SH3RF3: variants seen among roughly 807,000 people sequenced by gnomAD.
SH3RF3 encodes the protein E3 ubiquitin-protein ligase SH3RF3.
Under a neutral mutation model 66.3 loss-of-function variants are expected in SH3RF3, and 29 were observed. The ratio of observed to expected loss-of-function variants is 0.44; its 90% CI spans 0.33 to 0.60. SH3RF3 has a LOEUF of 0.60. Among genes scored for constraint, SH3RF3 ranks in the 20% least tolerant of loss-of-function variants. The probability of loss-of-function intolerance (pLI) is 0.04; values close to 1 mark genes in which losing one functional copy is unlikely to be tolerated. For synonymous variants in SH3RF3, 583 were observed against 532.0 expected, an observed-to-expected ratio of 1.10 and a Z score of -1.32; for missense variants, 1,194 against 1,190.9, an observed-to-expected ratio of 1.00 and a Z score of -0.04.
Position 109,129,524 on chromosome 2 carries a change from C to G in SH3RF3, c.-17C>G. 1 of 1,496,760 alleles carries G rather than the reference C, an allele frequency of 6.7e-7. No individual in the cohort carries two copies. The allele number at this position is 1,496,760 out of a possible 1,614,324, so 92.7% of individuals were successfully genotyped here. A position where few individuals can be genotyped will look rare whatever the true frequency, so the allele number is the denominator to read the frequency against. On this transcript the variant is annotated 5_prime_UTR_variant, in exon 1 of 10. Coordinates refer to ENST00000309415, the MANE Select transcript of SH3RF3 (RefSeq NM_001099289.3). ...GGACCTAGGCAGCCGCGCGAGACCGCTGCGGGCGCCTCCCCCATGCTGCTC... is the reference window on the plus strand; with the variant it reads ...GGACCTAGGCAGCCGCGCGAGACCGGTGCGGGCGCCTCCCCCATGCTGCTC...
At chr2:109,396,620 C>G (rs547857745) in intron 3 of SH3RF3, among the ~76,000 whole-genome samples, 1 of 152,220 alleles carries the variant, frequency 6.6e-6, no homozygotes, top group African/African-American at 2.4e-5. Flanking sequence ...AGTTCTGAAT[C>G]TGGGTGAGAC....
chr2:109,417,790 C>T (rs1676765273), intron 4 of SH3RF3, among the ~76,000 whole-genome samples: 1 of 152,186 alleles, frequency 6.6e-6, no homozygotes, highest in African/African-American at 2.4e-5. Context: ...TGGTTTCAGG[C>T]TCTGCTATGA....
chr2:109,308,683 C>T (rs1423992957), intron 1 of SH3RF3, among the ~76,000 whole-genome samples: 2 of 45,626 alleles, frequency 4.4e-5, no homozygotes, highest in Non-Finnish European at 6.6e-5. Flanking sequence ...AATAGGGAAT[C>T]CTTTCCCCAT....
intron 1 of SH3RF3, among the ~76,000 whole-genome samples, chr2:109,138,203 A>C (rs1419019187): frequency 6.6e-6 from 1 of 152,062 alleles, no homozygotes; most frequent in Non-Finnish European, 1.5e-5. Context: ...ATTTTTTAAT[A>C]TTTTTAGTAG....
chr2:109,456,263 C>T (rs1678054511), intron 8 of SH3RF3, among the ~76,000 whole-genome samples: 1 of 152,236 alleles, frequency 6.6e-6, no homozygotes, highest in South Asian at 2.1e-4. Flanking sequence ...CCCCGTGTGG[C>T]TGGGAGCACC....
At chr2:109,339,932 G>A (rs540584231) in intron 1 of SH3RF3, among the ~76,000 whole-genome samples, 1 of 152,346 alleles carries the variant, frequency 6.6e-6, no homozygotes, top group Admixed American at 6.5e-5. Context: ...TTTTGGGGGA[G>A]TGAGGAGGAG....
intron 2 of SH3RF3, among the ~76,000 whole-genome samples, chr2:109,356,678 C>G (rs557750736): frequency 1.3e-4 from 20 of 152,188 alleles, no homozygotes; most frequent in Non-Finnish European, 2.5e-4. Flanking sequence ...CTGCTGAACA[C>G]TAGTAGTGAT....
rs181443977 is a variant in SH3RF3, at chr2:109,131,641, A to C, written c.573+1528A>C. Among the ~76,000 whole-genome samples the C allele has an allele frequency of 3.3e-3, 499 of 152,286 alleles. 2 individuals carry two copies. The highest frequency in any genetic ancestry group is 3.3e-3 in the Non-Finnish European group (222 of 68,024). The stretch of plus-strand genomic sequence containing the variant: ...TAACCTCTGACATGTGACAGGCTGA[A>C]GCTTTGATGCCACTCCGGGAATTCT... On this transcript the variant is annotated intron_variant, in intron 1 of 9. Coordinates refer to ENST00000309415, the MANE Select transcript of SH3RF3 (RefSeq NM_001099289.3).
At chr2:109,224,489 C>T (rs1187110847) in intron 1 of SH3RF3, among the ~76,000 whole-genome samples, 1 of 152,146 alleles carries the variant, frequency 6.6e-6, no homozygotes, top group Non-Finnish European at 1.5e-5. Context: ...CTGCTCTGTT[C>T]AGTACAGTAG....
chr2:109,195,634 G>T (rs1456329933), intron 1 of SH3RF3, among the ~76,000 whole-genome samples: 1 of 152,134 alleles, frequency 6.6e-6, no homozygotes, highest in Non-Finnish European at 1.5e-5. Flanking sequence ...CTCTTTCCCC[G>T]CAGGCAGCCT....
chr2:109,130,809 G>A (rs987494194), intron 1 of SH3RF3, among the ~76,000 whole-genome samples: 2 of 151,994 alleles, frequency 1.3e-5, no homozygotes, highest in South Asian at 2.1e-4. Context: ...TAGGGCCTTC[G>A]CTGCTTCTGT....
intron 1 of SH3RF3, among the ~76,000 whole-genome samples, chr2:109,151,862 C>T (rs139447271): frequency 3.9e-5 from 6 of 152,310 alleles, no homozygotes; most frequent in Admixed American, 6.5e-5. Context: ...CTATGATTTC[C>T]GAATTGTCAT....
At chr2:109,415,636 G>A (rs1379048266) in intron 4 of SH3RF3, among the ~76,000 whole-genome samples, 1 of 152,108 alleles carries the variant, frequency 6.6e-6, no homozygotes, top group South Asian at 2.1e-4. Flanking sequence ...TGTCCTCCAG[G>A]GACGCCGTGC....
intron 4 of SH3RF3, among the ~76,000 whole-genome samples, chr2:109,413,430 G>A (rs1327763364): frequency 6.6e-6 from 1 of 152,138 alleles, no homozygotes; most frequent in Non-Finnish European, 1.5e-5. Context: ...GTTATTTTAG[G>A]ATTCATTCTT....
intron 1 of SH3RF3, among the ~76,000 whole-genome samples, chr2:109,330,618 T>C (rs1682261753): frequency 6.6e-6 from 1 of 151,974 alleles, no homozygotes. Flanking sequence ...AATGGGTGTG[T>C]GGTGGATGGA....
chr2:109,450,397 G>A (rs928317872), intron 8 of SH3RF3, among the ~76,000 whole-genome samples: 10 of 151,860 alleles, frequency 6.6e-5, no homozygotes, highest in Non-Finnish European at 1.0e-4. Context: ...AACTTGTTCC[G>A]GTTGCCACCC....
rs1461701700 is a variant in SH3RF3, at chr2:109,371,713, CCTT to C, written c.945+36_945+38del. ...CCGTGCCGCCCTCCCACACTTGGCT[CCTT>C]CTTGCCCACCCTTGTTTCACTACAG... On this transcript the variant is annotated intron_variant, in intron 3 of 9. Transcript: ENST00000309415. 2.5e-6 allele frequency: 4 copies of C among 1,592,708 alleles called. No individual in the cohort carries two copies. In the African/African-American group the frequency reaches 4.0e-5, roughly 16 times the overall value.
intron 4 of SH3RF3, among the ~76,000 whole-genome samples, chr2:109,416,886 C>T (rs1314324354): frequency 7.1e-6 from 1 of 140,422 alleles, no homozygotes; most frequent in African/African-American, 2.7e-5. Flanking sequence ...GCCTGGGCGA[C>T]AGAGTGAGAC....
chr2:109,350,786 C>T (rs1398632664), intron 2 of SH3RF3, among the ~76,000 whole-genome samples: 5 of 152,202 alleles, frequency 3.3e-5, no homozygotes, highest in Admixed American at 2.6e-4. Flanking sequence ...AGTGCTGCAG[C>T]GTAGGTGCTG....
Sources: gnomAD v4.1 joint callset for allele counts (sites outside exome capture counted in the v4.1 genomes callset) on GRCh38, gnomAD v4.1.1 for gene constraint, MANE v1.5 for transcripts, NCBI Gene and HGNC (gene_info 2026-07-23, HGNC 2026-07-21) for gene names.